Variants in KRT78 observed in about 807,000 individuals in gnomAD.
KRT78 encodes keratin, type II cytoskeletal 78.
In KRT78, 55 loss-of-function variants were observed where a neutral mutation model predicts 51.4. That is an observed-to-expected ratio of 1.07 (90% CI 0.86 to 1.34). KRT78 has a LOEUF of 1.34. Among genes scored for constraint, KRT78 ranks in the 40% most tolerant of loss-of-function variants. The pLI is 0.00. For synonymous variants in KRT78, 291 were observed against 264.3 expected (o/e 1.10, Z -0.98); for missense variants, 652 against 649.4 (o/e 1.00, Z -0.04).
intron 3 of KRT78, 99 bp from the exon 4 acceptor site, chr12:52,846,391 C>T: frequency 1.3e-6 from 1 of 784,588 alleles, no homozygotes; most frequent in Non-Finnish European, 2.3e-6. Flanking sequence ...AACACCCATC[C>T]ACCATGCCTC....
chr12:52,838,803 G>A lies in KRT78; in HGVS notation c.*310C>T. 4.9e-6 allele frequency: 2 copies of A among 404,908 alleles called. No individual in the cohort carries two copies. The highest frequency in any genetic ancestry group is 2.9e-5 in the South Asian group (1 of 33,966). 25.1% of individuals were successfully genotyped at this position (404,908 alleles called of 1,614,324 possible). A position where few individuals can be genotyped will look rare whatever the true frequency, so the allele number is the denominator to read the frequency against. On this transcript the variant is annotated 3_prime_UTR_variant, in exon 9 of 9. Coordinates refer to ENST00000304620, the MANE Select transcript of KRT78 (RefSeq NM_173352.4). The stretch of plus-strand genomic sequence containing the variant: ...CCCCAAGGAACACACTGGAGAGCTT[G>A]AAGGATCCCTTGATAGAGTGGCTGG...
Position 52,838,921 on chromosome 12 carries a change from T to G in KRT78, c.*192A>C, listed in dbSNP as rs1940406787. ...GGAAGCTGGGGAGCCACACAGCTTT[T>G]GTTTTGCTGGGTGAGGTGTGCAAGC... On this transcript the variant is annotated 3_prime_UTR_variant, in exon 9 of 9. Coordinates refer to ENST00000304620, the MANE Select transcript of KRT78 (RefSeq NM_173352.4). 1.5e-6 allele frequency: 1 copy of G among 656,434 alleles called. No homozygotes were observed. Among genetic ancestry groups the G allele is most frequent in the African/African-American group, 1.8e-5 (1 of 54,970 alleles). 40.7% of individuals were successfully genotyped at this position (656,434 alleles called of 1,614,324 possible). A position where few individuals can be genotyped will look rare whatever the true frequency, so the allele number is the denominator to read the frequency against.
At chr12:52,846,893 C>T (rs907478051) in intron 2 of KRT78, 69 bp from the exon 3 acceptor site, 7 of 1,185,116 alleles carry the variant, frequency 5.9e-6, no homozygotes, top group Middle Eastern at 3.8e-4. Flanking sequence ...CATGTCCGAG[C>T]ATGACCTCCC....
intron 6 of KRT78, among the ~76,000 whole-genome samples, chr12:52,841,830 T>C (rs1469342561): frequency 1.3e-5 from 2 of 152,162 alleles, no homozygotes; most frequent in Non-Finnish European, 2.9e-5. Flanking sequence ...GAAAGGCACA[T>C]TGCTGTGTGA....
chr12:52,846,885 T>C (rs940404016), intron 2 of KRT78, 61 bp from the exon 3 acceptor site: 3 of 1,269,606 alleles, frequency 2.4e-6, no homozygotes, highest in Non-Finnish European at 2.3e-6. Flanking sequence ...CATGCCCCCA[T>C]GTCCGAGCAT....
At chr12:52,843,701 A>AAAAG (rs1176593295) in intron 6 of KRT78, among the ~76,000 whole-genome samples, 3 of 138,946 alleles carry the variant, frequency 2.2e-5, no homozygotes, top group African/African-American at 1.0e-4. Flanking sequence ...AAAAAAAAAA[A>AAAAG]AAAAGAAAAA....
In KRT78 at chr12:52,844,189, A is replaced by G. The variant is rs1940584778; in HGVS notation, c.951T>C (p.Leu317=). Residue 317 remains leucine (L), a synonymous_variant, in exon 6 of 9, where the codon CTT becomes CTC. Coordinates refer to ENST00000304620, the MANE Select transcript of KRT78 (RefSeq NM_173352.4). The part of the protein sequence containing the change: ...KYQELQVSAQ[L]HGDRMQETKV... The stretch of plus-strand genomic sequence containing the variant: ...TCGTTTCCTGCATCCTGTCCCCATG[A>G]AGCTGGGCAGACACCTGAAGTTCCT... 6.2e-7 allele frequency: 1 copy of G among 1,608,414 alleles called. No individual in the cohort carries two copies. Among genetic ancestry groups the G allele is most frequent in the Non-Finnish European group, 8.5e-7 (1 of 1,178,562 alleles).
rs1940703109 is a variant in KRT78, at chr12:52,848,621, A to C, written c.310T>G (p.Phe104Val). 1 of 1,614,052 alleles carries C rather than the reference A, an allele frequency of 6.2e-7. No homozygotes were observed. Among genetic ancestry groups the C allele is most frequent in the Non-Finnish European group, 8.5e-7 (1 of 1,179,980 alleles). ...TPLKIEIDPQ[F>V]QVVRTQETQE... ...GTCTCCTGCGTCCGCACCACCTGGA[A>C]CTGGGGATCGATCTCAATCTTCAGT... is the stretch of plus-strand genomic sequence containing the variant. The change falls in exon 1 of 9, where the codon TTC becomes GTC. Residue 104 changes from phenylalanine (F) to valine (V), a missense_variant. Phe to Val is a conservative substitution (Grantham distance 50, BLOSUM62 -1). Transcript: ENST00000304620.
At chr12:52,842,998 G>GAAGT (rs1940543616) in intron 6 of KRT78, among the ~76,000 whole-genome samples, 3 of 96,018 alleles carry the variant, frequency 3.1e-5, no homozygotes, top group African/African-American at 1.3e-4. Context: ...AGGAAGGAAG[G>GAAGT]AAGGAAGGAA....
chr12:52,845,459 C>T (rs964895277), intron 4 of KRT78, among the ~76,000 whole-genome samples: 5 of 152,228 alleles, frequency 3.3e-5, no homozygotes, highest in Non-Finnish European at 4.4e-5. Context: ...ACCTTCCTCA[C>T]CTCCTCCAAA....
At position 52,839,163 on chromosome 12, in the gene KRT78, T is replaced by G. The variant is rs1284151737; in HGVS notation, c.1513A>C (p.Ile505Leu). ...GSSAGSSCHT[I>L]LKKTVESSLK... ...CTCGACTCAACTGTCTTCTTCAGGA[T>G]GGTGTGGCAGCTGGAGCCAGCGCTG... The change falls in exon 9 of 9, where the codon ATC becomes CTC. Residue 505 changes from isoleucine to leucine, a missense_variant. Coordinates refer to ENST00000304620, the MANE Select transcript of KRT78 (RefSeq NM_173352.4). 3 of 1,613,280 alleles carry G rather than the reference T, an allele frequency of 1.9e-6. No individual in the cohort carries two copies. The highest frequency in any genetic ancestry group is 2.5e-6 in the Non-Finnish European group (3 of 1,179,886).
chr12:52,840,056 G>T (rs889772744), intron 6 of KRT78, 72 bp from the exon 7 acceptor site: 2 of 1,075,894 alleles, frequency 1.9e-6, no homozygotes, highest in East Asian at 2.5e-5. Context: ...ACCCACTGTG[G>T]ATATCACTTG....
chr12:52,842,852 T>C (rs1247448854), intron 6 of KRT78, among the ~76,000 whole-genome samples: 1 of 147,922 alleles, frequency 6.8e-6, no homozygotes, highest in East Asian at 2.0e-4. Context: ...GAGGTGGAGG[T>C]TGCATTAAGC....
At chr12:52,848,216 A>C (rs1592147726) in intron 1 of KRT78, 95 bp from the exon 2 acceptor site, 1 of 1,551,056 alleles carries the variant, frequency 6.4e-7, no homozygotes. Flanking sequence ...CATCAGCCTC[A>C]CCTTTCCCCT....
At chr12:52,844,534 G>T (rs774558023) in intron 5 of KRT78, 25 bp downstream of exon 5, 2 of 1,601,104 alleles carry the variant, frequency 1.2e-6, no homozygotes, top group Non-Finnish European at 1.7e-6. Flanking sequence ...TTTCCAGCAT[G>T]GTGCTGCCCC....
intron 6 of KRT78, among the ~76,000 whole-genome samples, chr12:52,842,951 G>GAC (rs1940535261): frequency 9.3e-6 from 1 of 107,812 alleles, no homozygotes; most frequent in Non-Finnish European, 1.7e-5. Context: ...GAGAGAGAGA[G>GAC]AGAGAGAGAG....
At position 52,848,962 on chromosome 12, in the gene KRT78, GGACA is replaced by G. The variant is rs1565702681; in HGVS notation, c.-36_-33del. 4 of 1,512,002 alleles carry G rather than the reference GGACA, an allele frequency of 2.6e-6. No homozygotes were observed. Among genetic ancestry groups the G allele is most frequent in the Admixed American group, 2.1e-5 (1 of 46,648 alleles). 93.7% of individuals were successfully genotyped at this position (1,512,002 alleles called of 1,614,324 possible). A position where few individuals can be genotyped will look rare whatever the true frequency, so the allele number is the denominator to read the frequency against. Reference sequence around the variant, plus strand: ...GACAGACAGTCACGCAGCTGCAGACGGACAGACAGATTGTCAAGGTGTGTGAGTT... The same window carrying G: ...GACAGACAGTCACGCAGCTGCAGACGGACAGATTGTCAAGGTGTGTGAGTT... On this transcript the variant is annotated 5_prime_UTR_variant, in exon 1 of 9. Transcript: ENST00000304620.
intron 3 of KRT78, 112 bp from the exon 4 acceptor site, chr12:52,846,404 A>T: frequency 1.3e-6 from 1 of 747,284 alleles, no homozygotes. Context: ...CATGCCTCCC[A>T]AGACCCCCTC....
At position 52,838,103 on chromosome 12, in the gene KRT78, C is replaced by T. The variant is rs947787258; in HGVS notation, c.*1010G>A. The T allele has an allele frequency of 2.1e-4, 32 of 152,168 alleles. 1 individual carries two copies. Among genetic ancestry groups the T allele is most frequent in the African/African-American group, 7.0e-4 (29 of 41,422 alleles). The allele number at this position is 152,168 out of a possible 1,614,324, so 9.4% of individuals were successfully genotyped here. A position where few individuals can be genotyped will look rare whatever the true frequency, so the allele number is the denominator to read the frequency against. On this transcript the variant is annotated 3_prime_UTR_variant, in exon 9 of 9. Transcript: ENST00000304620. ...TGAATCTGAGGAAAGGTCTGCCCTC[C>T]CTCTAAAGCAAGGAGAGGCGTAGTG... is the stretch of plus-strand genomic sequence containing the variant.
Sources: gnomAD v4.1 joint callset for allele counts (sites outside exome capture counted in the v4.1 genomes callset) on GRCh38, gnomAD v4.1.1 for gene constraint, MANE v1.5 for transcripts, NCBI Gene and HGNC (gene_info 2026-07-23, HGNC 2026-07-21) for gene names.